Variants in TTC28 observed in about 807,000 individuals in gnomAD.
TTC28 encodes tetratricopeptide repeat protein 28.
In TTC28, 61 loss-of-function variants were observed where a neutral mutation model predicts 198.0. The observed-to-expected ratio is 0.31, with a 90% CI of 0.25 to 0.38. TTC28 has a LOEUF of 0.38. TTC28 is among the 10% of genes least tolerant of loss of function. TTC28 has a pLI of 1.00. For missense variants in TTC28, 2,678 were observed against 3,164.0 expected, an observed-to-expected ratio of 0.85 and a Z score of 3.69; for synonymous variants, 1,171 against 1,297.8, an observed-to-expected ratio of 0.90 and a Z score of 2.10.
chr22:27,996,024 T>A, intron 17 of TTC28, 111 bp downstream of exon 17: 2 of 1,432,516 alleles, frequency 1.4e-6, no homozygotes, highest in Non-Finnish European at 1.9e-6. Flanking sequence ...ACGGCCCCAA[T>A]CACGGTGTCC....
chr22:28,513,772 A>T (rs913335982), intron 2 of TTC28, among the ~76,000 whole-genome samples: 10 of 152,134 alleles, frequency 6.6e-5, no homozygotes, highest in Non-Finnish European at 8.8e-5. Flanking sequence ...ACATATATCT[A>T]TACAGACATA....
At chr22:28,396,913 T>G (rs2046827308) in intron 2 of TTC28, among the ~76,000 whole-genome samples, 5 of 152,138 alleles carry the variant, frequency 3.3e-5, no homozygotes, top group Admixed American at 2.6e-4. Context: ...CTGTCCCTGC[T>G]CCCCATCCAA....
At chr22:28,297,472 G>T in intron 4 of TTC28, 108 bp downstream of exon 4, 3 of 1,330,146 alleles carry the variant, frequency 2.3e-6, no homozygotes, top group Non-Finnish European at 3.0e-6. Flanking sequence ...GATTACAGGT[G>T]TGAGCAACCA....
intron 2 of TTC28, among the ~76,000 whole-genome samples, chr22:28,550,549 G>A (rs539262794): frequency 6.6e-6 from 1 of 152,096 alleles, no homozygotes; most frequent in East Asian, 1.9e-4. Context: ...TCAGGAGTGT[G>A]CGTCTATCAT....
At chr22:28,679,331 G>C (rs6005835) in intron 1 of TTC28, among the ~76,000 whole-genome samples, 116,523 of 152,160 alleles carry the variant, frequency 0.77, 44,809 homozygotes, top group South Asian at 0.85. Flanking sequence ...GGAGGCGCTG[G>C]GCGCATTAGG....
intron 2 of TTC28, among the ~76,000 whole-genome samples, chr22:28,426,163 G>A: frequency 7.0e-6 from 1 of 143,600 alleles, no homozygotes. Context: ...AGTGAGCTGA[G>A]ATCGCAACAC....
At position 28,527,757 on chromosome 22, in the gene TTC28, T is replaced by G. The variant is rs1173008942; in HGVS notation, c.381+101795A>C. On this transcript the variant is annotated intron_variant, in intron 2 of 22. Coordinates refer to ENST00000397906, the MANE Select transcript of TTC28 (RefSeq NM_001145418.2). ...ATCAAGTGATCCTCCCACCTCAACC[T>G]CTTGAGTAGCTGGGACTACAGGCAC... Among the ~76,000 whole-genome samples, 6 of 152,086 alleles carry G rather than the reference T, an allele frequency of 3.9e-5. No homozygotes were observed. In the South Asian group the frequency reaches 1.2e-3, roughly 32 times the overall value.
chr22:28,170,070 C>T (rs984063374), intron 5 of TTC28, among the ~76,000 whole-genome samples: 4 of 152,092 alleles, frequency 2.6e-5, no homozygotes, highest in Non-Finnish European at 4.4e-5. Flanking sequence ...TATACCTCAT[C>T]TCCTAGAAAC....
At position 28,277,564 on chromosome 22, in the gene TTC28, T is replaced by C. The variant is rs377020736; in HGVS notation, c.933+18634A>G. 1.2e-4 allele frequency among the ~76,000 whole-genome samples: 18 copies of C among 152,352 alleles called. No individual in the cohort carries two copies. In the East Asian group the frequency reaches 3.1e-3, roughly 26 times the overall value. ...AAGGACTTTAGGAAATTATCATTTC[T>C]GTTGTTTTGTTTTGGAAATTATCTT... On this transcript the variant is annotated intron_variant, in intron 5 of 22. Coordinates refer to ENST00000397906, the MANE Select transcript of TTC28 (RefSeq NM_001145418.2).
At chr22:28,594,441 T>C (rs944074817) in intron 2 of TTC28, among the ~76,000 whole-genome samples, 1 of 152,044 alleles carries the variant, frequency 6.6e-6, no homozygotes, top group African/African-American at 2.4e-5. Context: ...AAAACTGCCA[T>C]AAATTGAGAA....
intron 2 of TTC28, among the ~76,000 whole-genome samples, chr22:28,342,592 AAGC>A: frequency 6.6e-6 from 1 of 152,324 alleles, no homozygotes; most frequent in Admixed American, 6.5e-5. Context: ...AAAATGGACA[AAGC>A]AGGATAAAAT....
chr22:28,339,254 T>C (rs1354774985), intron 2 of TTC28, among the ~76,000 whole-genome samples: 1 of 152,094 alleles, frequency 6.6e-6, no homozygotes, highest in Non-Finnish European at 1.5e-5. Flanking sequence ...CTCAGGAAGT[T>C]TTGTCTCAGA....
intron 2 of TTC28, among the ~76,000 whole-genome samples, chr22:28,458,215 T>A (rs1488467197): frequency 6.6e-6 from 1 of 152,136 alleles, no homozygotes; most frequent in African/African-American, 2.4e-5. Flanking sequence ...CAATCCAAAA[T>A]AATAACACAA....
chr22:28,518,662 A>G (rs1335095708), intron 2 of TTC28, among the ~76,000 whole-genome samples: 3 of 152,258 alleles, frequency 2.0e-5, no homozygotes, highest in African/African-American at 7.2e-5. Context: ...AACACATACA[A>G]AGAATTAGTA....
At chr22:28,504,998 G>A (rs1026304541) in intron 2 of TTC28, among the ~76,000 whole-genome samples, 5 of 152,040 alleles carry the variant, frequency 3.3e-5, no homozygotes, top group African/African-American at 7.2e-5. Flanking sequence ...ACTCACGCTT[G>A]TAATCCCAAG....
chr22:28,533,076 G>T (rs1202967651), intron 2 of TTC28, among the ~76,000 whole-genome samples: 1 of 152,162 alleles, frequency 6.6e-6, no homozygotes, highest in Non-Finnish European at 1.5e-5. Context: ...GCAGGAGAAA[G>T]AAATAAAGGG....
At chr22:28,080,671 G>A (rs1008711788) in intron 12 of TTC28, among the ~76,000 whole-genome samples, 6 of 152,136 alleles carry the variant, frequency 3.9e-5, no homozygotes, top group Non-Finnish European at 4.4e-5. Flanking sequence ...TTGCTGCATA[G>A]AAGTTTTCAA....
At chr22:28,526,335 C>T (rs1027685298) in intron 2 of TTC28, among the ~76,000 whole-genome samples, 23 of 152,120 alleles carry the variant, frequency 1.5e-4, no homozygotes, top group African/African-American at 5.6e-4. Flanking sequence ...ATGCAGTTTC[C>T]ACTTCCCATA....
rs187106725 is a variant in TTC28, at chr22:28,128,985, T to C, written c.1442-20582A>G. On this transcript the variant is annotated intron_variant, in intron 6 of 22. Coordinates refer to ENST00000397906, the MANE Select transcript of TTC28 (RefSeq NM_001145418.2). ...GGAAATCATCATGTTCAGAGAACTG[T>C]GCTCATAAAGATTGCAAAAGATGCC... 2.6e-5 allele frequency among the ~76,000 whole-genome samples: 4 copies of C among 152,300 alleles called. No individual in the cohort carries two copies. In the East Asian group the frequency reaches 7.7e-4, roughly 29 times the overall value.
Sources: gnomAD v4.1 joint callset for allele counts (sites outside exome capture counted in the v4.1 genomes callset) on GRCh38, gnomAD v4.1.1 for gene constraint, MANE v1.5 for transcripts, NCBI Gene and HGNC (gene_info 2026-07-23, HGNC 2026-07-21) for gene names.